The following PLEKHA8 variants were observed in gnomAD, a reference collection of about 807,000 sequenced individuals.
The protein encoded by PLEKHA8 is pleckstrin homology domain-containing family A member 8.
PLEKHA8 carries 36 observed loss-of-function variants against 68.2 expected under a neutral mutation model. That is an observed-to-expected ratio of 0.53 (90% CI 0.40 to 0.70). The LOEUF (loss-of-function observed/expected upper bound fraction) is 0.70, where lower values mean the gene tolerates loss of function less well. Ranked by LOEUF, PLEKHA8 falls within the 30% of genes least tolerant of loss-of-function variation. PLEKHA8 has a pLI of 0.00. For missense variants in PLEKHA8, 505 were observed against 615.4 expected (o/e 0.82, Z 1.90); for synonymous variants, 211 against 216.1 (o/e 0.98, Z 0.20).
intron 13 of PLEKHA8, among the ~76,000 whole-genome samples, chr7:30,098,383 G>A (rs1306006365): frequency 6.6e-6 from 1 of 152,240 alleles, no homozygotes; most frequent in Non-Finnish European, 1.5e-5. Flanking sequence ...GTCTGCAGAG[G>A]TTACTGCTGC....
rs1387939799 is a variant in PLEKHA8 at position 30,049,299 on chromosome 7, A to G, written c.514A>G (p.Ile172Val). The change falls in exon 5 of 14, where the codon ATC (isoleucine) becomes GTC (valine). Residue 172 changes from isoleucine (I) to valine (V), a missense_variant. Ile to Val is a conservative substitution (Grantham distance 29). Coordinates refer to ENST00000449726, the MANE Select transcript of PLEKHA8 (RefSeq NM_001197026.2). ...GAAGACCTTGGAAGAATGCATGCAG[A>G]TCGCAAATGCAGCCTTCACCTCTGA... ...FLKTLEECMQ[I>V]ANAAFTSELL... 4 of 1,614,132 alleles carry G rather than the reference A, an allele frequency of 2.5e-6. No homozygotes were observed. Among genetic ancestry groups the G allele is most frequent in the Admixed American group, 1.7e-5 (1 of 60,026 alleles).
rs116055298 is a variant in PLEKHA8, at chr7:30,080,786, A to G, written c.*1999A>G. ...ATCTCCTTCTCTGATTAGTATGAAT[A>G]TGATGGCAGGACTCGGGGATAGTCC... On this transcript the variant is annotated 3_prime_UTR_variant, in exon 14 of 14. Transcript: ENST00000449726. 715 of 985,370 alleles carry G rather than the reference A, an allele frequency of 7.3e-4. 10 individuals are homozygous for G. In the African/African-American group the frequency reaches 0.012, roughly 16 times the overall value. The allele number at this position is 985,370 out of a possible 1,614,324, so 61.0% of individuals were successfully genotyped here.
chr7:30,039,728 TTTTG>T (rs1451076861), intron 1 of PLEKHA8, among the ~76,000 whole-genome samples: 5 of 152,302 alleles, frequency 3.3e-5, no homozygotes. Context: ...CTTCCTTGCA[TTTTG>T]TTTTTGTTTA....
At chr7:30,036,470 T>A (rs1157576262) in intron 1 of PLEKHA8, among the ~76,000 whole-genome samples, 2 of 151,576 alleles carry the variant, frequency 1.3e-5, no homozygotes, top group East Asian at 3.9e-4. Flanking sequence ...ATAGATTAGA[T>A]AGAGAAATAA....
At chr7:30,049,117 G>GT in intron 4 of PLEKHA8, 107 bp from the exon 5 acceptor site, 1 of 1,296,332 alleles carries the variant, frequency 7.7e-7, no homozygotes, top group South Asian at 1.2e-5. Flanking sequence ...ATTTCAGCAG[G>GT]TGGGTACATT....
At chr7:30,115,910 G>A (rs1245803779) in intron 13 of PLEKHA8, 5 of 137,674 alleles carry the variant, frequency 3.6e-5, no homozygotes, top group African/African-American at 5.5e-5. Context: ...ATGTATACAT[G>A]CATGCGTGCG....
intron 5 of PLEKHA8, among the ~76,000 whole-genome samples, chr7:30,050,038 T>G (rs928833323): frequency 6.6e-6 from 1 of 152,234 alleles, no homozygotes; most frequent in African/African-American, 2.4e-5. Flanking sequence ...ACTGAAATGA[T>G]TTTTAGGGCA....
chr7:30,094,502 C>CT (rs887889673), downstream of PLEKHA8, among the ~76,000 whole-genome samples: 230 of 148,690 alleles, frequency 1.5e-3, no homozygotes, highest in African/African-American at 5.4e-3. Context: ...TCTCGAACTC[C>CT]TTTTTTTTTT....
At chr7:30,048,882 A>T (rs564263445) in intron 4 of PLEKHA8, among the ~76,000 whole-genome samples, 3 of 152,220 alleles carry the variant, frequency 2.0e-5, no homozygotes, top group African/African-American at 4.8e-5. Context: ...AAAGCATTTC[A>T]GTCCTGCTCT....
chr7:30,079,196 A>G lies in PLEKHA8; in HGVS notation c.*409A>G. The G allele has an allele frequency of 9.9e-7, 1 of 1,006,582 alleles. No individual in the cohort carries two copies. The highest frequency in any genetic ancestry group is 1.2e-6 in the Non-Finnish European group (1 of 842,724). 62.4% of individuals were successfully genotyped at this position (1,006,582 alleles called of 1,614,324 possible). On this transcript the variant is annotated 3_prime_UTR_variant, in exon 14 of 14. Coordinates refer to ENST00000449726, the MANE Select transcript of PLEKHA8 (RefSeq NM_001197026.2). Reference sequence around the variant, plus strand: ...ATAGCCAGTGTTTCAGCCAACTTAGACTAGACATTTGGAGGTAGTATAAGC... The same window carrying G: ...ATAGCCAGTGTTTCAGCCAACTTAGGCTAGACATTTGGAGGTAGTATAAGC...
chr7:30,129,569 T>A, downstream of PLEKHA8: 1 of 508,600 alleles, frequency 2.0e-6, no homozygotes, highest in South Asian at 2.5e-5. Flanking sequence ...AATCTAGAAT[T>A]AAGTCAATAC....
At chr7:30,112,720 A>C (rs1562555719) in intron 13 of PLEKHA8, among the ~76,000 whole-genome samples, 2 of 151,580 alleles carry the variant, frequency 1.3e-5, no homozygotes, top group Non-Finnish European at 2.9e-5. Context: ...GTCTGAAAAA[A>C]AAAAAAGCCC....
In PLEKHA8 at chr7:30,083,895, G is replaced by C; in HGVS notation, c.*5108G>C. ...GTCGATCTTACCCACACAGACTCCT[G>C]TGTATGCGTGTCTGTTTATAGGTGT... On this transcript the variant is annotated 3_prime_UTR_variant, in exon 14 of 14. Coordinates refer to ENST00000449726, the MANE Select transcript of PLEKHA8 (RefSeq NM_001197026.2). The C allele has an allele frequency of 1.0e-6, 1 of 985,442 alleles. No homozygotes were observed. The allele number at this position is 985,442 out of a possible 1,614,324, so 61.0% of individuals were successfully genotyped here.
chr7:30,098,322 G>A (rs558517483), intron 13 of PLEKHA8, among the ~76,000 whole-genome samples: 14 of 152,314 alleles, frequency 9.2e-5, no homozygotes, highest in South Asian at 2.1e-4. Flanking sequence ...CTCCAGCTGC[G>A]TGCTGGGAGA....
intron 1 of PLEKHA8, among the ~76,000 whole-genome samples, chr7:30,030,406 ACTGT>A (rs1489752051): frequency 6.6e-6 from 1 of 152,032 alleles, no homozygotes; most frequent in Non-Finnish European, 1.5e-5. Flanking sequence ...GTTGTTGCTG[ACTGT>A]CCTTGTGTAT....
At chr7:30,061,032 T>G (rs1275851784) in intron 10 of PLEKHA8, 90 bp downstream of exon 10, 1 of 1,200,896 alleles carries the variant, frequency 8.3e-7, no homozygotes, top group Non-Finnish European at 1.2e-6. Flanking sequence ...AATCAAAAAG[T>G]GAAAAATGTG....
At position 30,052,815 on chromosome 7, in the gene PLEKHA8, G is replaced by A; in HGVS notation, c.745G>A (p.Glu249Lys). ...GAATTCCTTATATTTGAAATCTGCA[G>A]AGATAGACTGCAGCATATCAAGTGA... Reference protein sequence around the residue: ...NKNSLYLKSAEIDCSISSEEN... With the variant: ...NKNSLYLKSAKIDCSISSEEN... Residue 249 changes from glutamate to lysine, a missense_variant, in exon 7 of 14, where the codon GAG becomes AAG. By Grantham distance (56) the Glu-to-Lys change is moderately conservative (BLOSUM62 1). Transcript: ENST00000449726. 1 of 1,575,828 alleles carries A rather than the reference G, an allele frequency of 6.3e-7. No individual in the cohort carries two copies.
intron 1 of PLEKHA8, among the ~76,000 whole-genome samples, chr7:30,029,993 G>A (rs953915598): frequency 1.3e-5 from 2 of 152,120 alleles, no homozygotes; most frequent in Non-Finnish European, 2.9e-5. Context: ...ATGAGAAGAG[G>A]TTTTTCTTGT....
chr7:30,029,766 A>T (rs145830396), intron 1 of PLEKHA8, among the ~76,000 whole-genome samples: 145 of 152,294 alleles, frequency 9.5e-4, no homozygotes, highest in African/African-American at 3.5e-3. Flanking sequence ...TTTGTGGGAT[A>T]GTTTTTAAAA....
Sources: allele counts gnomAD v4.1 joint callset (sites outside exome capture counted in the v4.1 genomes callset), GRCh38; gene constraint gnomAD v4.1.1; transcripts MANE v1.5; gene names NCBI Gene and HGNC (gene_info 2026-07-23, HGNC 2026-07-21).